CNTNAP5: variants seen among roughly 807,000 people sequenced by gnomAD.
The protein encoded by CNTNAP5 is contactin associated protein family member 5, also known as contactin-associated protein-like 5.
A neutral mutation model predicts 150.2 loss-of-function variants in CNTNAP5; 72 were observed. That is an observed-to-expected ratio of 0.48 (90% CI 0.40 to 0.58). CNTNAP5 has a LOEUF of 0.58. CNTNAP5 is among the 20% of genes least tolerant of loss of function. The pLI, the probability that CNTNAP5 is intolerant of heterozygous loss-of-function variation, is 0.00. For missense variants in CNTNAP5, 1,636 were observed against 1,626.2 expected (o/e 1.01, Z -0.10); for synonymous variants, 672 against 619.8 (o/e 1.08, Z -1.25).
intron 1 of CNTNAP5, among the ~76,000 whole-genome samples, chr2:124,132,084 C>T (rs1387286658): frequency 6.6e-6 from 1 of 152,156 alleles, no homozygotes; most frequent in African/African-American, 2.4e-5. Context: ...CAGGCAGGTC[C>T]TGTTCTGCTT....
At chr2:124,762,167 C>T (rs1296495235) in intron 14 of CNTNAP5, among the ~76,000 whole-genome samples, 1 of 152,096 alleles carries the variant, frequency 6.6e-6, no homozygotes, top group Admixed American at 6.6e-5. Context: ...TACTTTCAAG[C>T]TGAGACAAAA....
intron 13 of CNTNAP5, among the ~76,000 whole-genome samples, chr2:124,675,371 A>G (rs914037539): frequency 2.0e-5 from 3 of 152,088 alleles, no homozygotes; most frequent in Non-Finnish European, 4.4e-5. Context: ...TCTCATATAG[A>G]CAACATATTC....
intron 13 of CNTNAP5, among the ~76,000 whole-genome samples, chr2:124,696,848 A>G (rs1452834776): frequency 6.6e-6 from 1 of 152,184 alleles, no homozygotes; most frequent in Non-Finnish European, 1.5e-5. Context: ...TTCCAGGTTA[A>G]GATTTGGTTC....
intron 8 of CNTNAP5, among the ~76,000 whole-genome samples, chr2:124,518,227 C>T (rs1694774899): frequency 6.6e-6 from 1 of 152,128 alleles, no homozygotes; most frequent in South Asian, 2.1e-4. Context: ...CTATAAAGGG[C>T]TGTGGAGATC....
At chr2:124,837,272 G>T (rs1345965812) in intron 19 of CNTNAP5, among the ~76,000 whole-genome samples, 1 of 152,018 alleles carries the variant, frequency 6.6e-6, no homozygotes, top group Non-Finnish European at 1.5e-5. Context: ...TACAGGGTAG[G>T]TGGGGCATGT....
At chr2:124,535,145 AC>A (rs1344069039) in intron 10 of CNTNAP5, among the ~76,000 whole-genome samples, 2 of 152,114 alleles carry the variant, frequency 1.3e-5, no homozygotes, top group African/African-American at 4.8e-5. Context: ...TCTGGTGACC[AC>A]CGGGCCCATT....
At position 124,914,574 on chromosome 2, in the gene CNTNAP5, C is replaced by A. The variant is rs527748629; in HGVS notation, c.*286C>A. 139 of 329,916 alleles carry A rather than the reference C, an allele frequency of 4.2e-4. 1 individual carries two copies. The highest frequency in any genetic ancestry group is 2.6e-3 in the African/African-American group (124 of 47,234). 20.4% of individuals were successfully genotyped at this position (329,916 alleles called of 1,614,324 possible). ...GAAGAGACACATGTGTGCACTCCTG[C>A]ATGTTCAGTTCTGTACTTCCAGTTT... On this transcript the variant is annotated 3_prime_UTR_variant, in exon 24 of 24. Coordinates refer to ENST00000682447, the MANE Select transcript of CNTNAP5 (RefSeq NM_001367498.1).
Position 124,790,385 on chromosome 2 carries a change from T to C in CNTNAP5, c.2992+244T>C, listed in dbSNP as rs377616053. Among the ~76,000 whole-genome samples the C allele has an allele frequency of 2.6e-5, 4 of 152,308 alleles. No homozygotes were observed. The East Asian group carries it at 7.7e-4, about 29-fold the overall frequency. ...ACCCTGCCCACGGCCAAAAAGTCAG[T>C]TAAGTAGAGAAAGAGGTGGACCCAC... On this transcript the variant is annotated intron_variant, in intron 18 of 23. Transcript: ENST00000682447.
intron 13 of CNTNAP5, among the ~76,000 whole-genome samples, chr2:124,677,460 T>G (rs982718023): frequency 3.9e-5 from 6 of 152,204 alleles, no homozygotes; most frequent in African/African-American, 1.4e-4. Context: ...CCAGCTTTTA[T>G]TCCCTTATTT....
intron 3 of CNTNAP5, among the ~76,000 whole-genome samples, chr2:124,282,042 C>T (rs1166056580): frequency 6.6e-6 from 1 of 152,048 alleles, no homozygotes; most frequent in Non-Finnish European, 1.5e-5. Context: ...ATGTTAGATG[C>T]AAAGATCCAA....
intron 12 of CNTNAP5, among the ~76,000 whole-genome samples, chr2:124,643,701 T>C (rs1678143653): frequency 6.6e-6 from 1 of 152,188 alleles, no homozygotes; most frequent in Non-Finnish European, 1.5e-5. Context: ...AGACAGTCTA[T>C]GTGCACCAAA....
intron 3 of CNTNAP5, among the ~76,000 whole-genome samples, chr2:124,297,148 A>G (rs1688453809): frequency 6.6e-6 from 1 of 152,242 alleles, no homozygotes; most frequent in African/African-American, 2.4e-5. Context: ...AGTTAGAGCC[A>G]CAAGGAATAT....
intron 17 of CNTNAP5, among the ~76,000 whole-genome samples, chr2:124,785,915 A>T (rs1038100392): frequency 2.0e-5 from 3 of 152,132 alleles, no homozygotes; most frequent in Admixed American, 1.3e-4. Context: ...GACAGAGAAT[A>T]TACTGAAAGC....
intron 3 of CNTNAP5, among the ~76,000 whole-genome samples, chr2:124,357,829 T>G (rs1294815860): frequency 6.7e-6 from 1 of 148,614 alleles, no homozygotes; most frequent in Non-Finnish European, 1.5e-5. Context: ...AGTAGTTTTT[T>G]CCAATTCTGT....
At chr2:124,226,455 T>A (rs926049339) in intron 2 of CNTNAP5, among the ~76,000 whole-genome samples, 1 of 151,668 alleles carries the variant, frequency 6.6e-6, no homozygotes, top group Non-Finnish European at 1.5e-5. Context: ...GGGTTATTTG[T>A]TTTTTTGCTA....
rs181573498 is a variant in CNTNAP5, at chr2:124,045,025, T to C, written c.82+19293T>C. ...GTATATCTTAAAAAATACAAATATG[T>C]TCTGGAGTAGAATACAAAATTTCAG... On this transcript the variant is annotated intron_variant, in intron 1 of 23. Coordinates refer to ENST00000682447, the MANE Select transcript of CNTNAP5 (RefSeq NM_001367498.1). 1.7e-3 allele frequency among the ~76,000 whole-genome samples: 256 copies of C among 152,184 alleles called. 1 individual carries two copies. Among genetic ancestry groups the C allele is most frequent in the Non-Finnish European group, 2.8e-3 (191 of 68,008 alleles).
At chr2:124,584,355 T>TGAG (rs10651804) in intron 11 of CNTNAP5, among the ~76,000 whole-genome samples, 44,484 of 151,806 alleles carry the variant, frequency 0.29, 6,828 homozygotes, top group African/African-American at 0.36. Context: ...ACTGTGGTGA[T>TGAG]AAGGAACTTA....
At chr2:124,872,271 A>T (rs1677764709) in intron 21 of CNTNAP5, among the ~76,000 whole-genome samples, 1 of 151,974 alleles carries the variant, frequency 6.6e-6, no homozygotes, top group African/African-American at 2.4e-5. Flanking sequence ...AATAGTTATT[A>T]AACATTTTGT....
chr2:124,461,582 A>G (rs1175943772), intron 6 of CNTNAP5, among the ~76,000 whole-genome samples: 2 of 151,418 alleles, frequency 1.3e-5, no homozygotes, highest in Non-Finnish European at 2.9e-5. Context: ...ATGCTAGATG[A>G]CGAGTTAGTG....
Sources: gnomAD v4.1 joint callset for allele counts (sites outside exome capture counted in the v4.1 genomes callset) on GRCh38, gnomAD v4.1.1 for gene constraint, MANE v1.5 for transcripts, NCBI Gene and HGNC (gene_info 2026-07-23, HGNC 2026-07-21) for gene names.